Variants in OXR1 observed in about 807,000 individuals in gnomAD.
OXR1 encodes oxidation resistance protein 1.
A neutral mutation model predicts 104.6 loss-of-function variants in OXR1; 41 were observed. That is an observed-to-expected ratio of 0.39 (90% confidence interval 0.31 to 0.51). The LOEUF (loss-of-function observed/expected upper bound fraction) is 0.51. OXR1 is among the 20% of genes least tolerant of loss of function. OXR1 has a pLI of 0.77. For missense variants in OXR1, 955 were observed against 1,031.9 expected (o/e 0.93, Z 1.02); for synonymous variants, 348 against 348.4 (o/e 1.00, Z 0.01).
At chr8:106,573,075 A>C (rs1817587220) in intron 3 of OXR1, among the ~76,000 whole-genome samples, 2 of 152,116 alleles carry the variant, frequency 1.3e-5, no homozygotes. Flanking sequence ...GAAAGCCAGA[A>C]AAGATTATTA....
chr8:106,270,799 G>A lies in OXR1; in HGVS notation c.-139+432G>A, dbSNP rs543010798. The stretch of plus-strand genomic sequence containing the variant: ...TGGGGGCGCAGAGTGGAGGGCAAGC[G>A]TGTCTTGAACAGAACGGCAGGAGGA... On this transcript the variant is annotated intron_variant, in intron 1 of 16. Coordinates refer to ENST00000517566, the MANE Select transcript of OXR1 (RefSeq NM_001198533.2). 6.6e-5 allele frequency among the ~76,000 whole-genome samples: 10 copies of A among 152,210 alleles called. No individual in the cohort carries two copies. The South Asian group carries it at 2.1e-3, about 32-fold the overall frequency.
intron 6 of OXR1, among the ~76,000 whole-genome samples, chr8:106,692,522 T>C (rs1829409195): frequency 6.6e-6 from 1 of 152,152 alleles, no homozygotes; most frequent in African/African-American, 2.4e-5. Context: ...AAGTTTAACC[T>C]GTGTTTGTGA....
chr8:106,567,476 AT>A (rs1399952092), intron 3 of OXR1, among the ~76,000 whole-genome samples: 2 of 152,128 alleles, frequency 1.3e-5, no homozygotes, highest in Non-Finnish European at 2.9e-5. Flanking sequence ...GTTAAAATTC[AT>A]TTTTTAGCCT....
At chr8:106,364,581 A>AAAC (rs529600997) in intron 2 of OXR1, among the ~76,000 whole-genome samples, 1,819 of 149,872 alleles carry the variant, frequency 0.012, 33 homozygotes, top group African/African-American at 0.042. Flanking sequence ...CTCCATCTCT[A>AAAC]AACAACAACA....
At chr8:106,559,900 C>T (rs1376372859) in intron 3 of OXR1, among the ~76,000 whole-genome samples, 1 of 152,096 alleles carries the variant, frequency 6.6e-6, no homozygotes, top group African/African-American at 2.4e-5. Context: ...CTTGAAAAAA[C>T]ATATTCAGCA....
intron 1 of OXR1, among the ~76,000 whole-genome samples, chr8:106,311,735 G>A (rs1033884190): frequency 6.6e-6 from 1 of 152,044 alleles, no homozygotes. Flanking sequence ...ATACAAATAT[G>A]TGCCCTATTC....
chr8:106,303,518 G>T (rs1333724602), intron 1 of OXR1, among the ~76,000 whole-genome samples: 1 of 151,864 alleles, frequency 6.6e-6, no homozygotes, highest in East Asian at 1.9e-4. Flanking sequence ...GATTACAGGT[G>T]TGAGCTACCG....
At chr8:106,679,155 G>T in intron 3 of OXR1, 55 bp from the exon 4 acceptor site, 1 of 1,069,168 alleles carries the variant, frequency 9.4e-7, no homozygotes, top group South Asian at 1.3e-5. Context: ...AGTAGTCCTT[G>T]ACATTACTCT....
intron 2 of OXR1, among the ~76,000 whole-genome samples, chr8:106,461,635 C>A (rs562280613): frequency 6.6e-6 from 1 of 152,176 alleles, no homozygotes; most frequent in South Asian, 2.1e-4. Flanking sequence ...AAATACATGG[C>A]CTTTAAAACT....
intron 1 of OXR1, among the ~76,000 whole-genome samples, chr8:106,296,354 A>T (rs1812994236): frequency 1.3e-5 from 2 of 152,322 alleles, no homozygotes; most frequent in Non-Finnish European, 2.9e-5. Context: ...ATTGATAATG[A>T]TGATGATAGT....
chr8:106,615,949 G>C (rs1277901328), intron 3 of OXR1, among the ~76,000 whole-genome samples: 2 of 151,036 alleles, frequency 1.3e-5, no homozygotes, highest in East Asian at 1.9e-4. Flanking sequence ...CTTTAATGTA[G>C]TAGAATGGAA....
chr8:106,329,996 C>T (rs1814644518), intron 1 of OXR1, among the ~76,000 whole-genome samples: 1 of 152,166 alleles, frequency 6.6e-6, no homozygotes, highest in African/African-American at 2.4e-5. Context: ...TCTGACCCCT[C>T]TCTGTCTGTA....
intron 2 of OXR1, among the ~76,000 whole-genome samples, chr8:106,373,447 C>G (rs566889321): frequency 1.3e-5 from 2 of 152,176 alleles, no homozygotes; most frequent in African/African-American, 2.4e-5. Flanking sequence ...CAGGTGCTAA[C>G]ATGTTATGGA....
intron 3 of OXR1, among the ~76,000 whole-genome samples, chr8:106,677,415 A>C (rs1230672482): frequency 6.6e-6 from 1 of 152,140 alleles, no homozygotes; most frequent in Non-Finnish European, 1.5e-5. Context: ...GATAAGCAAA[A>C]ATAATATTCT....
At chr8:106,469,038 G>T (rs929738476) in intron 2 of OXR1, among the ~76,000 whole-genome samples, 8 of 151,218 alleles carry the variant, frequency 5.3e-5, no homozygotes, top group Non-Finnish European at 1.0e-4. Flanking sequence ...TTGTTGTTGT[G>T]TGTGTGTGTA....
At chr8:106,734,511 T>G (rs1408039063) in intron 11 of OXR1, among the ~76,000 whole-genome samples, 1 of 152,198 alleles carries the variant, frequency 6.6e-6, no homozygotes, top group Admixed American at 6.5e-5. Context: ...TTTTTGTTAG[T>G]GTGCAAGACA....
chr8:106,347,070 T>C (rs1815519566), intron 1 of OXR1, among the ~76,000 whole-genome samples: 1 of 151,976 alleles, frequency 6.6e-6, no homozygotes, highest in South Asian at 2.1e-4. Context: ...AAAAGGAAGC[T>C]CTTTGGTGTT....
intron 2 of OXR1, among the ~76,000 whole-genome samples, chr8:106,393,605 T>C (rs1817664791): frequency 6.6e-6 from 1 of 152,096 alleles, no homozygotes; most frequent in Non-Finnish European, 1.5e-5. Flanking sequence ...GAATTCTTCT[T>C]TATTTCCCCT....
intron 3 of OXR1, among the ~76,000 whole-genome samples, chr8:106,623,682 G>T (rs1029731165): frequency 2.6e-5 from 4 of 152,196 alleles, no homozygotes; most frequent in African/African-American, 9.6e-5. Flanking sequence ...GAAAGAGGAG[G>T]TGGGAGAGTA....
Sources: gnomAD v4.1 joint callset for allele counts (sites outside exome capture counted in the v4.1 genomes callset) on GRCh38, gnomAD v4.1.1 for gene constraint, MANE v1.5 for transcripts, NCBI Gene and HGNC (gene_info 2026-07-23, HGNC 2026-07-21) for gene names.